Variants in MSH3 observed in about 807,000 individuals in gnomAD.
MSH3 encodes mutS homolog 3.
MSH3 carries 106 observed loss-of-function variants against 123.3 expected under a neutral mutation model. The observed-to-expected ratio is 0.86, with a 90% CI of 0.73 to 1.01. The LOEUF (loss-of-function observed/expected upper bound fraction) is 1.01, where lower values mean the gene tolerates loss of function less well. MSH3 is among the 50% of genes least tolerant of loss of function. The pLI, the probability that MSH3 is intolerant of heterozygous loss-of-function variation, is 0.00. For missense variants in MSH3, 1,459 were observed against 1,347.6 expected, an observed-to-expected ratio of 1.08 and a Z score of -1.29; for synonymous variants, 515 against 481.4, an observed-to-expected ratio of 1.07 and a Z score of -0.91.
At chr5:80,675,386 G>A (rs1749818626) in intron 7 of MSH3, among the ~76,000 whole-genome samples, 1 of 152,160 alleles carries the variant, frequency 6.6e-6, no homozygotes, top group South Asian at 2.1e-4. Context: ...AAGAAAAGAG[G>A]TTTAATTGGC....
chr5:80,864,278 G>A (rs917535875), intron 21 of MSH3, among the ~76,000 whole-genome samples: 5 of 152,064 alleles, frequency 3.3e-5, no homozygotes, highest in African/African-American at 1.2e-4. Context: ...AAATAGCAAA[G>A]TCCAAATTGA....
intron 13 of MSH3, among the ~76,000 whole-genome samples, chr5:80,762,745 G>C (rs1207484720): frequency 7.4e-6 from 1 of 135,286 alleles, no homozygotes; most frequent in East Asian, 2.4e-4. Context: ...ATTTTATTTT[G>C]TTTTATTTTG....
At chr5:80,721,710 C>T (rs968959023) in intron 8 of MSH3, among the ~76,000 whole-genome samples, 4 of 151,992 alleles carry the variant, frequency 2.6e-5, no homozygotes, top group African/African-American at 7.3e-5. Context: ...CTTTTTATGG[C>T]AGGATTTAGG....
At chr5:80,852,907 C>T (rs1208588731) in intron 20 of MSH3, among the ~76,000 whole-genome samples, 1 of 152,168 alleles carries the variant, frequency 6.6e-6, no homozygotes, top group Admixed American at 6.5e-5. Context: ...AAAACTAAAT[C>T]AATGAAGGGA....
intron 20 of MSH3, among the ~76,000 whole-genome samples, chr5:80,838,454 C>G (rs1039706325): frequency 6.6e-6 from 1 of 152,090 alleles, no homozygotes; most frequent in South Asian, 2.1e-4. Flanking sequence ...GAGATAATGC[C>G]GGTAAAACAC....
intron 21 of MSH3, among the ~76,000 whole-genome samples, chr5:80,862,751 C>A (rs1746034501): frequency 6.6e-6 from 1 of 151,776 alleles, no homozygotes; most frequent in East Asian, 1.9e-4. Context: ...TAGATTGAGA[C>A]CCTGTCTCTA....
rs145511062 is a variant in MSH3, at chr5:80,731,841, T to C, written c.1568+2876T>C. On this transcript the variant is annotated intron_variant, in intron 10 of 23. Transcript: ENST00000265081. ...ATTCAGTTGCATTATTTTATAAACATACTTTATGCTGCTGAAGTTTTGGAC... is the reference window on the plus strand; with the variant it reads ...ATTCAGTTGCATTATTTTATAAACACACTTTATGCTGCTGAAGTTTTGGAC... Among the ~76,000 whole-genome samples the C allele has an allele frequency of 7.7e-3, 1,169 of 152,340 alleles. 17 individuals are homozygous for C. Among genetic ancestry groups the C allele is most frequent in the African/African-American group, 0.027 (1,121 of 41,582 alleles).
intron 10 of MSH3, among the ~76,000 whole-genome samples, chr5:80,740,713 CTT>C (rs34246815): frequency 4.2e-4 from 55 of 131,282 alleles, no homozygotes; most frequent in Admixed American, 4.7e-4. Flanking sequence ...ATGTTAGAAT[CTT>C]TTTTTTTTTT....
chr5:80,808,253 G>A lies in MSH3; in HGVS notation c.2656-5331G>A, dbSNP rs571567453. 6.6e-5 allele frequency among the ~76,000 whole-genome samples: 10 copies of A among 152,216 alleles called. No individual in the cohort carries two copies. The East Asian group carries it at 1.9e-3, about 29-fold the overall frequency. On this transcript the variant is annotated intron_variant, in intron 19 of 23. Transcript: ENST00000265081. ...ATACTTTGTATAGAGATTCCTTTTG[G>A]TTTTCCTTGTGGACAGCTATGTGAT...
At chr5:80,800,218 C>T (rs776225779) in intron 19 of MSH3, among the ~76,000 whole-genome samples, 5 of 152,222 alleles carry the variant, frequency 3.3e-5, no homozygotes, top group Non-Finnish European at 5.9e-5. Flanking sequence ...GTCCCTTCAG[C>T]GCAATACTTC....
At position 80,784,212 on chromosome 5, in the gene MSH3, C is replaced by CAAAAAAAAAAAAAAAAAAAAAAA. The variant is rs1192783960; in HGVS notation, c.2436-3348_2436-3326dup. Among the ~76,000 whole-genome samples the CAAAAAAAAAAAAAAAAAAAAAAA allele has an allele frequency of 1.3e-3, 15 of 11,990 alleles. 1 individual carries two copies. The highest frequency in any genetic ancestry group is 5.4e-3 in the East Asian group (3 of 552). The allele number at this position is 11,990 out of a possible 152,430, so 7.9% of individuals were successfully genotyped here. On this transcript the variant is annotated intron_variant, in intron 17 of 23. Coordinates refer to ENST00000265081, the MANE Select transcript of MSH3 (RefSeq NM_002439.5). ...GCGAAAGAGCGAGACTACTACGTCG[C>CAAAAAAAAAAAAAAAAAAAAAAA]AAAAAAAAAAAAAAAAAAAAAAAAA...
At position 80,813,708 on chromosome 5, in the gene MSH3, C is replaced by G. The variant is rs766261257; in HGVS notation, c.2780C>G (p.Ala927Gly). The G allele has an allele frequency of 6.2e-7, 1 of 1,614,066 alleles. No homozygotes were observed. Among genetic ancestry groups the G allele is most frequent in the South Asian group, 1.1e-5 (1 of 91,078 alleles). ...QIGSYVPAEEATIGIVDGIFT... is the reference protein window; with the variant it reads ...QIGSYVPAEEGTIGIVDGIFT... ...GGCTCCTATGTTCCTGCAGAAGAAG[C>G]GACAATTGGGATTGTGGATGGCATT... Residue 927 changes from alanine to glycine, a missense_variant, in exon 20 of 24, where the codon GCG becomes GGG. Physicochemically the swap from Ala to Gly is moderately conservative, Grantham distance 60 (BLOSUM62 0). Coordinates refer to ENST00000265081, the MANE Select transcript of MSH3 (RefSeq NM_002439.5).
At chr5:80,685,571 G>A (rs1357939483) in intron 8 of MSH3, among the ~76,000 whole-genome samples, 1 of 151,540 alleles carries the variant, frequency 6.6e-6, no homozygotes, top group Non-Finnish European at 1.5e-5. Flanking sequence ...TTCACAGTCT[G>A]GGAAAGTCTT....
At chr5:80,658,035 C>CCCTTTTTTTTTTT (rs369384745) in intron 2 of MSH3, among the ~76,000 whole-genome samples, 1 of 87,218 alleles carries the variant, frequency 1.1e-5, no homozygotes, top group Non-Finnish European at 2.2e-5. Flanking sequence ...GCTTTTTGCC[C>CCCTTTTTTTTTTT]TCTTTTTTTT....
At chr5:80,684,174 C>T (rs1471655124) in intron 8 of MSH3, among the ~76,000 whole-genome samples, 3 of 151,760 alleles carry the variant, frequency 2.0e-5, no homozygotes, top group Non-Finnish European at 4.4e-5. Context: ...CTGAGTCTTT[C>T]GTTGCTCATA....
intron 8 of MSH3, among the ~76,000 whole-genome samples, chr5:80,708,956 G>C (rs751881957): frequency 1.6e-4 from 24 of 151,866 alleles, no homozygotes; most frequent in Non-Finnish European, 2.6e-4. Flanking sequence ...TGTATTTTCA[G>C]TAGAGACAGG....
intron 21 of MSH3, among the ~76,000 whole-genome samples, chr5:80,855,070 A>G (rs1745893362): frequency 6.6e-6 from 1 of 151,870 alleles, no homozygotes; most frequent in African/African-American, 2.4e-5. Context: ...TTCAGGGTGC[A>G]TTTCTAAGCT....
intron 8 of MSH3, among the ~76,000 whole-genome samples, chr5:80,691,167 A>G (rs137889346): frequency 1.3e-4 from 20 of 152,240 alleles, no homozygotes; most frequent in South Asian, 2.1e-4. Flanking sequence ...TAAAGCTGAC[A>G]TGATTCACAG....
At chr5:80,721,712 G>A (rs145196659) in intron 8 of MSH3, among the ~76,000 whole-genome samples, 1 of 151,984 alleles carries the variant, frequency 6.6e-6, no homozygotes, top group African/African-American at 2.4e-5. Context: ...TTTTATGGCA[G>A]GATTTAGGGA....
Sources: allele counts gnomAD v4.1 joint callset (sites outside exome capture counted in the v4.1 genomes callset), GRCh38; gene constraint gnomAD v4.1.1; transcripts MANE v1.5; gene names NCBI Gene and HGNC (gene_info 2026-07-23, HGNC 2026-07-21).